DRGX: variants seen among roughly 807,000 people sequenced by gnomAD.
The protein encoded by DRGX is dorsal root ganglia homeobox, also known as dorsal root ganglia homeobox protein.
DRGX carries 21 observed loss-of-function variants against 28.6 expected under a neutral mutation model. The observed-to-expected ratio is 0.73, with a 90% CI of 0.52 to 1.06. The LOEUF (loss-of-function observed/expected upper bound fraction) is 1.06. Among genes scored for constraint, DRGX ranks in the 50% least tolerant of loss-of-function variants. DRGX has a pLI of 0.00. For synonymous variants in DRGX, 136 were observed against 139.1 expected, an observed-to-expected ratio of 0.98 and a Z score of 0.16; for missense variants, 354 against 343.9, an observed-to-expected ratio of 1.03 and a Z score of -0.23.
chr10:49,395,494 C>G lies in DRGX; in HGVS notation c.-54G>C, dbSNP rs1029919351. Reference sequence around the variant, plus strand: ...GAGACCTGGGAGGGTGGCAGCAGAACGGACCCGCGCGCGTTGCTCCTGCCT... The same window carrying G: ...GAGACCTGGGAGGGTGGCAGCAGAAGGGACCCGCGCGCGTTGCTCCTGCCT... On this transcript the variant is annotated 5_prime_UTR_variant, in exon 2 of 7. Coordinates refer to ENST00000374139, the MANE Select transcript of DRGX (RefSeq NM_001276451.2). 1.9e-6 allele frequency: 3 copies of G among 1,541,576 alleles called. No homozygotes were observed. The highest frequency in any genetic ancestry group is 1.4e-5 in the African/African-American group (1 of 72,898).
chr10:49,391,881 T>G (rs774488809), intron 2 of DRGX: 1 of 517,874 alleles, frequency 1.9e-6, no homozygotes, highest in Non-Finnish European at 4.0e-6. Context: ...GTTATATAGA[T>G]GTCAATTAAC....
chr10:49,366,473 GA>G (rs1849602842), intron 6 of DRGX, 92 bp from the exon 7 acceptor site: 2 of 1,493,374 alleles, frequency 1.3e-6, no homozygotes, highest in Non-Finnish European at 1.8e-6. Flanking sequence ...CTGAAGGACA[GA>G]AAGATTGATT....
Position 49,390,159 on chromosome 10 carries a change from T to C in DRGX, c.208A>G (p.Ile70Val). The C allele has an allele frequency of 1.2e-6, 2 of 1,612,702 alleles. No individual in the cohort carries two copies. Among genetic ancestry groups the C allele is most frequent in the Admixed American group, 1.7e-5 (1 of 59,892 alleles). The change falls in exon 4 of 7, where the codon ATA (isoleucine) becomes GTA (valine). Residue 70 changes from isoleucine (I) to valine (V), a missense_variant. Transcript: ENST00000374139. ...TGCACTCTGGCTTCTGTGAGGTTTATTTTCATGGCGAGCTCTTCTCTGGTG... is the reference window on the plus strand; with the variant it reads ...TGCACTCTGGCTTCTGTGAGGTTTACTTTCATGGCGAGCTCTTCTCTGGTG... ...VFTREELAMK[I>V]NLTEARVQVW...
chr10:49,390,280 T>A (rs754865364), intron 3 of DRGX, 46 bp from the exon 4 acceptor site: 6 of 1,517,954 alleles, frequency 4.0e-6, no homozygotes, highest in Middle Eastern at 1.7e-4. Context: ...TGTGGCTAGG[T>A]GAGGGGAAGC....
At chr10:49,394,420 TC>T (rs1222243564) in intron 2 of DRGX, among the ~76,000 whole-genome samples, 4 of 152,138 alleles carry the variant, frequency 2.6e-5, no homozygotes, top group African/African-American at 9.7e-5. Flanking sequence ...CTACTTGGCT[TC>T]CCAAATTCTC....
intron 6 of DRGX, among the ~76,000 whole-genome samples, chr10:49,380,694 G>T (rs1170578170): frequency 6.6e-6 from 1 of 152,188 alleles, no homozygotes; most frequent in East Asian, 1.9e-4. Flanking sequence ...ATATCTCATG[G>T]TCAAAAATTG....
In DRGX at chr10:49,391,917, T is replaced by C. The variant is rs1048274143; in HGVS notation, c.35-656A>G. ...AAGAGATCTGCACCAATAGTGACTG[T>C]CCTGAATGCCAAGCAGACTTGAACA... On this transcript the variant is annotated intron_variant, in intron 2 of 6. Coordinates refer to ENST00000374139, the MANE Select transcript of DRGX (RefSeq NM_001276451.2). 6 of 489,086 alleles carry C rather than the reference T, an allele frequency of 1.2e-5. No homozygotes were observed. The Admixed American group carries it at 1.3e-4, about 11-fold the overall frequency. 30.3% of individuals were successfully genotyped at this position (489,086 alleles called of 1,614,324 possible).
intron 6 of DRGX, among the ~76,000 whole-genome samples, chr10:49,384,779 C>A (rs1422276366): frequency 6.6e-6 from 1 of 152,198 alleles, no homozygotes; most frequent in Non-Finnish European, 1.5e-5. Flanking sequence ...CCCTCGGTCT[C>A]CCCACCCTCC....
At chr10:49,390,029 T>C in intron 4 of DRGX, 104 bp downstream of exon 4, 1 of 1,004,228 alleles carries the variant, frequency 1.0e-6, no homozygotes, top group Non-Finnish European at 1.4e-6. Context: ...CAGATAGTCT[T>C]CATTTGCTTT....
chr10:49,381,706 C>T (rs555049803), intron 6 of DRGX, among the ~76,000 whole-genome samples: 6 of 152,340 alleles, frequency 3.9e-5, no homozygotes, highest in East Asian at 1.9e-4. Context: ...AACCCTGCAT[C>T]GGCCTCACAT....
At chr10:49,376,475 C>G (rs531763590) in intron 6 of DRGX, among the ~76,000 whole-genome samples, 1 of 152,178 alleles carries the variant, frequency 6.6e-6, no homozygotes, top group Non-Finnish European at 1.5e-5. Context: ...GCACTGGGTA[C>G]TGGGAGACTC....
At chr10:49,388,298 A>G (rs1849861889) in intron 4 of DRGX, among the ~76,000 whole-genome samples, 1 of 152,270 alleles carries the variant, frequency 6.6e-6, no homozygotes, top group South Asian at 2.1e-4. Context: ...GACTACAAAG[A>G]AAAAAGAAAT....
intron 6 of DRGX, among the ~76,000 whole-genome samples, chr10:49,373,544 C>G (rs554640081): frequency 1.1e-4 from 17 of 152,290 alleles, no homozygotes; most frequent in African/African-American, 4.1e-4. Flanking sequence ...GAGCACAGAT[C>G]TCTCAGGGAC....
intron 2 of DRGX, chr10:49,391,760 G>C (rs1218738831): frequency 4.2e-6 from 2 of 477,342 alleles, no homozygotes. Context: ...AAAACACCAA[G>C]AGCTTTTCAC....
At chr10:49,389,936 A>G (rs200367030) in intron 4 of DRGX, among the ~76,000 whole-genome samples, 197 bp downstream of exon 4, 1 of 151,718 alleles carries the variant, frequency 6.6e-6, no homozygotes, top group East Asian at 1.9e-4. Flanking sequence ...CATTATCACT[A>G]GTTAATTATG....
intron 2 of DRGX, chr10:49,391,704 A>T (rs1009411961): frequency 8.8e-6 from 4 of 455,334 alleles, no homozygotes; most frequent in Non-Finnish European, 1.8e-5. Context: ...TGTTTCTATT[A>T]ACAAGAATTA....
chr10:49,379,215 T>C (rs1849747878), intron 6 of DRGX, among the ~76,000 whole-genome samples: 1 of 152,176 alleles, frequency 6.6e-6, no homozygotes. Context: ...AGTGGTAAAG[T>C]TATATCATCA....
chr10:49,371,433 G>A (rs1322317998), intron 6 of DRGX, among the ~76,000 whole-genome samples: 4 of 151,894 alleles, frequency 2.6e-5, no homozygotes, highest in Non-Finnish European at 5.9e-5. Context: ...TGGGTGGATC[G>A]CTTGAGCCCA....
chr10:49,370,579 G>A (rs1466291995), intron 6 of DRGX, among the ~76,000 whole-genome samples: 1 of 152,196 alleles, frequency 6.6e-6, no homozygotes, highest in Non-Finnish European at 1.5e-5. Context: ...AATGAGCCCT[G>A]GCCATCTGAA....
Sources: gnomAD v4.1 joint callset for allele counts (sites outside exome capture counted in the v4.1 genomes callset) on GRCh38, gnomAD v4.1.1 for gene constraint, MANE v1.5 for transcripts, NCBI Gene and HGNC (gene_info 2026-07-23, HGNC 2026-07-21) for gene names.